Variants in TMEM278 observed in about 807,000 individuals in gnomAD.
TMEM278 encodes transmembrane protein 88B.
the TMEM278 span, chr1:1,426,413 C>G: frequency 7.4e-7 from 1 of 1,351,826 alleles, no homozygotes; most frequent in Non-Finnish European, 9.5e-7. Context: ...GGGCGGGGGA[C>G]TAGCTGGGGT....
the TMEM278 span, chr1:1,426,165 G>A: frequency 7.1e-7 from 1 of 1,416,652 alleles, no homozygotes; most frequent in Non-Finnish European, 9.2e-7. Flanking sequence ...GAGGAGGAGG[G>A]GGGAGGTGGT....
the TMEM278 span, among the ~76,000 whole-genome samples, chr1:1,425,952 G>A: frequency 2.6e-5 from 4 of 152,128 alleles, no homozygotes; most frequent in Non-Finnish European, 5.9e-5. Context: ...TGAGGTGGGG[G>A]TGTGGCTCTG....
At chr1:1,426,887 C>G in the TMEM278 span, among the ~76,000 whole-genome samples, 46 of 152,066 alleles carry the variant, frequency 3.0e-4, no homozygotes, top group African/African-American at 1.0e-3. Context: ...AGGGCAGAAG[C>G]GGGCAGAACG....
At chr1:1,429,945 C>T in the TMEM278 span, among the ~76,000 whole-genome samples, 113 of 152,232 alleles carry the variant, frequency 7.4e-4, no homozygotes, top group Non-Finnish European at 9.8e-4. Flanking sequence ...TCTGCAGCCT[C>T]GCCCTCCCAG....
At chr1:1,427,057 A>C in the TMEM278 span, among the ~76,000 whole-genome samples, 5 of 105,740 alleles carry the variant, frequency 4.7e-5, no homozygotes, top group Non-Finnish European at 5.8e-5. Flanking sequence ...CCAGGCCCTA[A>C]TCCTTCATCC....
chr1:1,426,065 G>C, the TMEM278 span: 1 of 1,308,104 alleles, frequency 7.6e-7, no homozygotes, highest in South Asian at 2.3e-5. Context: ...TTCCAGGGCA[G>C]CCCTGGAGAG....
At chr1:1,426,209 C>A in the TMEM278 span, 2 of 1,413,176 alleles carry the variant, frequency 1.4e-6, no homozygotes, top group African/African-American at 1.5e-5. Flanking sequence ...GCCCCGGGGA[C>A]CTCCCGACCA....
chr1:1,427,341 C>T, the TMEM278 span, among the ~76,000 whole-genome samples: 7 of 145,102 alleles, frequency 4.8e-5, no homozygotes, highest in Non-Finnish European at 9.1e-5. Flanking sequence ...CCTCCCCTTC[C>T]CCTCCATCAC....
At chr1:1,426,346 G>A in the TMEM278 span, 19 of 1,440,780 alleles carry the variant, frequency 1.3e-5, no homozygotes, top group African/African-American at 4.4e-5. Context: ...TCCTGCCCGC[G>A]GCCGCCGTCG....
chr1:1,426,373 G>A, the TMEM278 span: 1 of 1,422,454 alleles, frequency 7.0e-7, no homozygotes. Flanking sequence ...TGGGATTCCT[G>A]TGCCACTCGA....
chr1:1,428,164 G>A, the TMEM278 span, among the ~76,000 whole-genome samples: 2 of 114,666 alleles, frequency 1.7e-5, no homozygotes, highest in Non-Finnish European at 3.7e-5. Flanking sequence ...GGAGGTGAGG[G>A]AAAGAGAGGA....
the TMEM278 span, chr1:1,426,255 G>T: frequency 1.3e-6 from 2 of 1,490,180 alleles, no homozygotes; most frequent in Non-Finnish European, 1.8e-6. Context: ...GGGTGGTCGG[G>T]GCCCCCGCTG....
At chr1:1,427,010 C>A in the TMEM278 span, among the ~76,000 whole-genome samples, 11 of 149,850 alleles carry the variant, frequency 7.3e-5, no homozygotes, top group Admixed American at 6.0e-4. Flanking sequence ...CACAGCGGCC[C>A]GCCCCCTCCC....
chr1:1,429,883 A>T, the TMEM278 span, among the ~76,000 whole-genome samples: 1 of 152,166 alleles, frequency 6.6e-6, no homozygotes, highest in African/African-American at 2.4e-5. Flanking sequence ...TTACTTAGAG[A>T]CAGAGTCTTG....
the TMEM278 span, chr1:1,427,581 C>G: frequency 7.4e-6 from 9 of 1,215,174 alleles, no homozygotes; most frequent in Non-Finnish European, 9.1e-6. Flanking sequence ...TCCCCGGTGC[C>G]GCGCGCTGTT....
At chr1:1,426,778 G>A in the TMEM278 span, among the ~76,000 whole-genome samples, 1 of 151,952 alleles carries the variant, frequency 6.6e-6, no homozygotes, top group Non-Finnish European at 1.5e-5. Flanking sequence ...CCAGCGTGGG[G>A]CTTCCCCACC....
chr1:1,427,722 AC>A, the TMEM278 span: 5 of 1,295,648 alleles, frequency 3.9e-6, no homozygotes, highest in South Asian at 4.3e-5. Flanking sequence ...GCCCGCTGGG[AC>A]CCCCGGACCC....
the TMEM278 span, among the ~76,000 whole-genome samples, chr1:1,427,074 C>T: frequency 7.0e-6 from 1 of 143,354 alleles, no homozygotes; most frequent in Admixed American, 7.0e-5. Flanking sequence ...ATCCCTCCAT[C>T]TCCCCCCTCC....
At chr1:1,427,983 GGAGGGGAGGGGAAGA>G in the TMEM278 span, among the ~76,000 whole-genome samples, 2 of 139,790 alleles carry the variant, frequency 1.4e-5, no homozygotes, top group Admixed American at 7.0e-5. Flanking sequence ...GGAAGAGAGG[GGAGGGGAGGGGAAGA>G]GAGGGGAGGG....
Sources: gnomAD v4.1 joint callset for allele counts (sites outside exome capture counted in the v4.1 genomes callset) on GRCh38, gnomAD v4.1.1 for gene constraint, MANE v1.5 for transcripts, NCBI Gene and HGNC (gene_info 2026-07-23, HGNC 2026-07-21) for gene names.